Variants in USP44 observed in about 807,000 individuals in gnomAD.
USP44 encodes the protein ubiquitin carboxyl-terminal hydrolase 44.
In USP44, 61 loss-of-function variants were observed where a neutral mutation model predicts 69.0. The ratio of observed to expected loss-of-function variants is 0.88; its 90% CI spans 0.72 to 1.09. USP44 has a LOEUF of 1.09. USP44 is among the 50% of genes least tolerant of loss of function. The pLI is 0.00. For synonymous variants in USP44, 297 were observed against 295.4 expected (o/e 1.01, Z -0.06); for missense variants, 753 against 849.9 (o/e 0.89, Z 1.42).
In USP44 at chr12:95,518,159, T is replaced by G. The variant is rs768785183; in HGVS notation, c.2134A>C (p.Ser712Arg). ...AAAACCCCATTGTCTTTGGATCAGC[T>G]AAGGATTTCATTAGACGAGGTATCA... is the stretch of plus-strand genomic sequence containing the variant. ...DADTSSNEIL[S>R] is the part of the protein sequence containing the mutation. The change falls in exon 6 of 6, where the codon AGC becomes CGC. Residue 712 changes from serine (S) to arginine (R), a missense_variant. By Grantham distance (110) the Ser-to-Arg change is moderately radical. Coordinates refer to ENST00000258499, the MANE Select transcript of USP44 (RefSeq NM_032147.5). The G allele has an allele frequency of 3.1e-6, 5 of 1,614,046 alleles. No individual in the cohort carries two copies. In the East Asian group the frequency reaches 8.9e-5, roughly 29 times the overall value.
chr12:95,529,436 T>C (rs561331324), intron 2 of USP44, among the ~76,000 whole-genome samples: 2 of 148,118 alleles, frequency 1.4e-5, no homozygotes, highest in South Asian at 4.2e-4. Context: ...CATCTTTTTT[T>C]TTTTTGAGAT....
intron 1 of USP44, among the ~76,000 whole-genome samples, chr12:95,546,040 T>C (rs1239425337): frequency 6.6e-6 from 1 of 152,196 alleles, no homozygotes; most frequent in Non-Finnish European, 1.5e-5. Flanking sequence ...AAGATAAAGC[T>C]CCTGAAAGCA....
Position 95,517,522 on chromosome 12 carries a change from T to TA in USP44, c.*631dup, listed in dbSNP as rs774859610. On this transcript the variant is annotated 3_prime_UTR_variant, in exon 6 of 6. Transcript: ENST00000258499. ...CATGTCCATAGTTCCAGAGTTCACT[T>TA]AAATATACTATTTGTAAAGCTGCCA... 1.3e-4 allele frequency: 20 copies of TA among 152,288 alleles called. 1 individual carries two copies. In the South Asian group the frequency reaches 4.1e-3, roughly 32 times the overall value. The allele number at this position is 152,288 out of a possible 1,614,324, so 9.4% of individuals were successfully genotyped here.
chr12:95,522,426 G>A (rs114867981), intron 4 of USP44, among the ~76,000 whole-genome samples: 1 of 152,112 alleles, frequency 6.6e-6, no homozygotes. Flanking sequence ...TATATATTTG[G>A]TTTTCCTTCC....
In USP44 at chr12:95,533,795, TCTC is replaced by T; in HGVS notation, c.459_461del (p.Arg155del). The T allele has an allele frequency of 1.2e-6, 2 of 1,614,082 alleles. No individual in the cohort carries two copies. Among genetic ancestry groups the T allele is most frequent in the Non-Finnish European group, 1.7e-6 (2 of 1,180,024 alleles). On this transcript the variant is annotated inframe_deletion, in exon 2 of 6. Transcript: ENST00000258499. ...GAAAGATTTTACCCATTAGTATCCT[TCTC>T]CTGTGCCAAAGAGCAGTATACAGTT...
intron 2 of USP44, among the ~76,000 whole-genome samples, chr12:95,529,203 GA>G (rs2076944641): frequency 6.6e-6 from 1 of 152,080 alleles, no homozygotes; most frequent in Admixed American, 6.6e-5. Flanking sequence ...GAGCCATCAT[GA>G]ATTGGTTGCT....
intron 5 of USP44, among the ~76,000 whole-genome samples, chr12:95,520,513 G>A (rs552493245): frequency 1.3e-5 from 2 of 152,106 alleles, no homozygotes; most frequent in South Asian, 4.2e-4. Flanking sequence ...AGGTGTTGGG[G>A]GGAGTAAAAA....
In USP44 at chr12:95,528,989, G is replaced by A; in HGVS notation, c.1442C>T (p.Ala481Val). Residue 481 changes from alanine to valine, a missense_variant, in exon 3 of 6, where the codon GCA becomes GTA. By Grantham distance (64) the Ala-to-Val change is moderately conservative (BLOSUM62 0). Transcript: ENST00000258499. Reference protein sequence around the residue: ...GQLLSQVTCLACDNKSNTIEP... With the variant: ...GQLLSQVTCLVCDNKSNTIEP... ...TATGGTATTTGATTTGTTGTCACAT[G>A]CAAGACATGTAACCTGCAAATGAGA... 1 of 1,611,194 alleles carries A rather than the reference G, an allele frequency of 6.2e-7. No homozygotes were observed. The highest frequency in any genetic ancestry group is 8.5e-7 in the Non-Finnish European group (1 of 1,178,770).
intron 3 of USP44, among the ~76,000 whole-genome samples, chr12:95,527,817 G>A: frequency 7.1e-6 from 1 of 140,738 alleles, no homozygotes; most frequent in Non-Finnish European, 1.5e-5. Context: ...TTTATACACT[G>A]TTTCCTTGGA....
chr12:95,544,447 G>A (rs2077507594), intron 1 of USP44, among the ~76,000 whole-genome samples: 3 of 152,192 alleles, frequency 2.0e-5, no homozygotes, highest in Admixed American at 2.0e-4. Flanking sequence ...AGCATGGAAA[G>A]GGACGATACA....
At chr12:95,536,695 A>T (rs1264269511) in intron 1 of USP44, among the ~76,000 whole-genome samples, 6 of 152,176 alleles carry the variant, frequency 3.9e-5, no homozygotes, top group Non-Finnish European at 8.8e-5. Context: ...TTACTGCAGT[A>T]AGGCTCCCAG....
chr12:95,526,038 T>C (rs1418516300), intron 3 of USP44, among the ~76,000 whole-genome samples: 1 of 152,200 alleles, frequency 6.6e-6, no homozygotes, highest in African/African-American at 2.4e-5. Context: ...GGTAGCCAGA[T>C]AGGGGATATC....
chr12:95,520,966 C>G, intron 5 of USP44, 31 bp downstream of exon 5: 2 of 1,603,248 alleles, frequency 1.2e-6, no homozygotes, highest in Non-Finnish European at 1.7e-6. Flanking sequence ...CCAAGTCCAA[C>G]CCAAGATAAA....
chr12:95,533,356 A>G lies in USP44; in HGVS notation c.901T>C (p.Phe301Leu), dbSNP rs1328513077. 1 of 1,613,496 alleles carries G rather than the reference A, an allele frequency of 6.2e-7. No individual in the cohort carries two copies. Among genetic ancestry groups the G allele is most frequent in the African/African-American group, 1.3e-5 (1 of 75,008 alleles). ...CATTGGTTCAGATCAAGCTTTAAAA[A>G]ACATTGTCGAAAAATAAGTAAATGA... is the stretch of plus-strand genomic sequence containing the variant. ...LSHLLIFRQC[F>L]LKLDLNQWLA... The change falls in exon 2 of 6, where the codon TTT (phenylalanine) becomes CTT (leucine). Residue 301 changes from phenylalanine (F) to leucine (L), a missense_variant. Coordinates refer to ENST00000258499, the MANE Select transcript of USP44 (RefSeq NM_032147.5).
chr12:95,527,837 T>TC (rs1592690896), intron 3 of USP44, among the ~76,000 whole-genome samples: 1 of 58,770 alleles, frequency 1.7e-5, no homozygotes, highest in East Asian at 1.7e-3. Flanking sequence ...AGGAAGATGC[T>TC]TTTTTTTTTT....
At chr12:95,521,361 A>T (rs772395826) in intron 4 of USP44, among the ~76,000 whole-genome samples, 159 bp from the exon 5 acceptor site, 2 of 152,162 alleles carry the variant, frequency 1.3e-5, no homozygotes, top group African/African-American at 2.4e-5. Flanking sequence ...ATAAATGGAG[A>T]CATTTTGGCT....
intron 4 of USP44, among the ~76,000 whole-genome samples, chr12:95,522,432 C>T (rs1385154927): frequency 2.0e-5 from 3 of 152,090 alleles, no homozygotes; most frequent in South Asian, 2.1e-4. Flanking sequence ...TTTGGTTTTC[C>T]TTCCAGTTTC....
chr12:95,530,668 T>TAGAC (rs1162492323), intron 2 of USP44, among the ~76,000 whole-genome samples: 2 of 151,708 alleles, frequency 1.3e-5, no homozygotes, highest in Admixed American at 6.6e-5. Context: ...GATAGATAGA[T>TAGAC]AGATAGATAG....
chr12:95,521,808 C>G (rs2076671955), intron 4 of USP44, among the ~76,000 whole-genome samples: 1 of 152,024 alleles, frequency 6.6e-6, no homozygotes, highest in Non-Finnish European at 1.5e-5. Flanking sequence ...TTTTTAATTC[C>G]TTACTGTCTT....
Sources: allele counts gnomAD v4.1 joint callset (sites outside exome capture counted in the v4.1 genomes callset), GRCh38; gene constraint gnomAD v4.1.1; transcripts MANE v1.5; gene names NCBI Gene and HGNC (gene_info 2026-07-23, HGNC 2026-07-21).